Variants in PDPN observed in about 807,000 individuals in gnomAD.
PDPN encodes the protein podoplanin, also known as PA2.26 antigen.
PDPN carries 12 observed loss-of-function variants against 23.2 expected under a neutral mutation model. The observed-to-expected ratio is 0.52, with a 90% CI of 0.33 to 0.84. The LOEUF (loss-of-function observed/expected upper bound fraction) is 0.84, where lower values mean the gene tolerates loss of function less well. Among genes scored for constraint, PDPN ranks in the 40% least tolerant of loss-of-function variants. The pLI, the probability that PDPN is intolerant of heterozygous loss-of-function variation, is 0.02. For missense variants in PDPN, 199 were observed against 212.2 expected, an observed-to-expected ratio of 0.94 and a Z score of 0.39; for synonymous variants, 77 against 76.7, an observed-to-expected ratio of 1.00 and a Z score of -0.02.
chr1:13,610,829 C>T (rs1281329352), intron 3 of PDPN, among the ~76,000 whole-genome samples: 1 of 152,116 alleles, frequency 6.6e-6, no homozygotes, highest in Non-Finnish European at 1.5e-5. Context: ...GTGTTGACAC[C>T]CAAGGGCACG....
chr1:13,585,364 C>A, intron 1 of PDPN: 1 of 555,636 alleles, frequency 1.8e-6, no homozygotes, highest in Non-Finnish European at 2.7e-6. Flanking sequence ...CTGAGCAACT[C>A]TTTTTATAGG....
chr1:13,585,669 A>T (rs372035453), intron 1 of PDPN: 16 of 1,346,244 alleles, frequency 1.2e-5, no homozygotes, highest in African/African-American at 1.5e-5. Context: ...TTAAAACCGA[A>T]AAACCATCGT....
intron 1 of PDPN, among the ~76,000 whole-genome samples, chr1:13,589,985 G>A (rs560547055): frequency 2.0e-5 from 3 of 152,158 alleles, no homozygotes; most frequent in South Asian, 2.1e-4. Flanking sequence ...GTGCCACCAC[G>A]CCTGGCTAAT....
At chr1:13,604,974 C>T (rs938606326) in intron 1 of PDPN, among the ~76,000 whole-genome samples, 5 of 152,130 alleles carry the variant, frequency 3.3e-5, no homozygotes, top group African/African-American at 1.2e-4. Context: ...GTAAACCCCT[C>T]GCTGTACACC....
At chr1:13,596,483 G>T (rs1186795390) in intron 1 of PDPN, among the ~76,000 whole-genome samples, 1 of 152,230 alleles carries the variant, frequency 6.6e-6, no homozygotes, top group East Asian at 1.9e-4. Flanking sequence ...CATGGAAGGG[G>T]TGAAGGGGGA....
intron 1 of PDPN, among the ~76,000 whole-genome samples, chr1:13,589,485 G>A (rs1640276251): frequency 6.6e-6 from 1 of 152,182 alleles, no homozygotes; most frequent in Non-Finnish European, 1.5e-5. Context: ...ATAACAGCTA[G>A]CGTTTACTGA....
rs529805848 is a variant in PDPN, at chr1:13,583,911, C to T, written c.-123C>T. 17 of 1,612,116 alleles carry T rather than the reference C, an allele frequency of 1.1e-5. No individual in the cohort carries two copies. The highest frequency in any genetic ancestry group is 1.7e-4 in the Middle Eastern group (1 of 6,056). ...CCTCTCCGGGGCTCCTGCTCCCACC[C>T]CTCCGGCCCCCCCACCGTCGCGCTC... On this transcript the variant is annotated 5_prime_UTR_variant, in exon 1 of 6. Transcript: ENST00000621990.
chr1:13,604,819 C>T (rs1640741467), intron 1 of PDPN, among the ~76,000 whole-genome samples: 1 of 152,164 alleles, frequency 6.6e-6, no homozygotes, highest in Admixed American at 6.5e-5. Flanking sequence ...TCAATAAATA[C>T]ACAGTAAGCG....
At chr1:13,589,967 A>G (rs1314351319) in intron 1 of PDPN, among the ~76,000 whole-genome samples, 4 of 152,266 alleles carry the variant, frequency 2.6e-5, no homozygotes, top group Non-Finnish European at 5.9e-5. Flanking sequence ...AGCTGGGATT[A>G]CAGGCATGTG....
intron 1 of PDPN, among the ~76,000 whole-genome samples, chr1:13,594,203 C>T (rs1640428908): frequency 6.6e-6 from 1 of 152,230 alleles, no homozygotes. Flanking sequence ...GGGCCTTACC[C>T]TCAAGGAACT....
chr1:13,585,536 G>T (rs1419115859), intron 1 of PDPN: 1 of 1,351,410 alleles, frequency 7.4e-7, no homozygotes, highest in Non-Finnish European at 9.8e-7. Flanking sequence ...CCTCACTTCA[G>T]CATCTCAGCC....
In PDPN at chr1:13,602,848, G is replaced by A. The variant is rs556448368; in HGVS notation, c.68-4325G>A. On this transcript the variant is annotated intron_variant, in intron 1 of 5. Coordinates refer to ENST00000621990, the MANE Select transcript of PDPN (RefSeq NM_006474.5). ...CTCCGAAAGTGCTGGGATTACAGGC[G>A]TGAGCCACCGTGCCTGGCCAACTCT... Among the ~76,000 whole-genome samples, 14 of 152,134 alleles carry A rather than the reference G, an allele frequency of 9.2e-5. No individual in the cohort carries two copies. The South Asian group carries it at 1.5e-3, about 16-fold the overall frequency.
chr1:13,588,026 CA>C (rs768746669), intron 1 of PDPN, among the ~76,000 whole-genome samples: 122 of 152,226 alleles, frequency 8.0e-4, no homozygotes, highest in Non-Finnish European at 1.6e-3. Flanking sequence ...AAGCTAAGTC[CA>C]GGGGGAAGTA....
At chr1:13,594,354 G>A (rs1011276812) in intron 1 of PDPN, among the ~76,000 whole-genome samples, 1 of 152,168 alleles carries the variant, frequency 6.6e-6, no homozygotes, top group Non-Finnish European at 1.5e-5. Flanking sequence ...AAGGAGAGGT[G>A]GGGTTTGGAA....
intron 4 of PDPN, 113 bp from the exon 5 acceptor site, chr1:13,614,187 G>A: frequency 1.6e-6 from 1 of 634,226 alleles, no homozygotes; most frequent in Non-Finnish European, 2.8e-6. Context: ...AAACAACATA[G>A]AGCAATATTT....
intron 1 of PDPN, among the ~76,000 whole-genome samples, chr1:13,590,390 G>A (rs569265675): frequency 1.2e-4 from 19 of 152,190 alleles, no homozygotes; most frequent in Non-Finnish European, 2.1e-4. Flanking sequence ...AGATAAAGTC[G>A]TGTCCTGCGC....
intron 1 of PDPN, among the ~76,000 whole-genome samples, chr1:13,595,672 C>CTCATCTCG (rs1334567026): frequency 6.6e-6 from 1 of 152,226 alleles, no homozygotes; most frequent in East Asian, 1.9e-4. Context: ...ACAGTCAGGT[C>CTCATCTCG]TCATCTCGTC....
At chr1:13,610,223 T>G (rs1420072593) in intron 2 of PDPN, among the ~76,000 whole-genome samples, 164 bp from the exon 3 acceptor site, 1 of 152,210 alleles carries the variant, frequency 6.6e-6, no homozygotes, top group Non-Finnish European at 1.5e-5. Context: ...TGTACAACCG[T>G]CTCTTCAAGA....
Position 13,616,052 on chromosome 1 carries a change from G to T in PDPN, c.*141G>T. 1 of 756,216 alleles carries T rather than the reference G, an allele frequency of 1.3e-6. No homozygotes were observed. Among genetic ancestry groups the T allele is most frequent in the Non-Finnish European group, 2.3e-6 (1 of 434,562 alleles). 46.8% of individuals were successfully genotyped at this position (756,216 alleles called of 1,614,324 possible). ...ACTCAGAATCCACGGTGACCTCTCC[G>T]CTTGCCAAAATAACCGAAGGAAAGA... On this transcript the variant is annotated 3_prime_UTR_variant, in exon 6 of 6. Transcript: ENST00000621990.
Sources: allele counts gnomAD v4.1 joint callset (sites outside exome capture counted in the v4.1 genomes callset), GRCh38; gene constraint gnomAD v4.1.1; transcripts MANE v1.5; gene names NCBI Gene and HGNC (gene_info 2026-07-23, HGNC 2026-07-21).